The following KCNU1 variants were observed in gnomAD, a reference collection of about 807,000 sequenced individuals.
KCNU1 encodes the protein potassium calcium-activated channel subfamily U member 1.
KCNU1 carries 93 observed loss-of-function variants against 126.8 expected under a neutral mutation model. The observed-to-expected ratio is 0.73, with a 90% CI of 0.62 to 0.87. The LOEUF (loss-of-function observed/expected upper bound fraction) is 0.87, where lower values mean the gene tolerates loss of function less well. Among genes scored for constraint, KCNU1 ranks in the 40% least tolerant of loss-of-function variants. The probability of loss-of-function intolerance (pLI) is 0.00; values close to 1 mark genes in which losing one functional copy is unlikely to be tolerated. For missense variants in KCNU1, 1,330 were observed against 1,367.1 expected (o/e 0.97, Z 0.43); for synonymous variants, 523 against 494.2 (o/e 1.06, Z -0.77).
intron 19 of KCNU1, among the ~76,000 whole-genome samples, chr8:36,897,274 T>G (rs1179331750): frequency 1.3e-5 from 2 of 152,004 alleles, no homozygotes; most frequent in African/African-American, 2.4e-5. Flanking sequence ...CTCCCTCTAT[T>G]GTAGAAAAAT....
intron 2 of KCNU1, among the ~76,000 whole-genome samples, chr8:36,796,787 G>A (rs1563260013): frequency 6.6e-6 from 1 of 152,092 alleles, no homozygotes; most frequent in African/African-American, 2.4e-5. Context: ...TCTCTTGGAA[G>A]TGTCATATAG....
chr8:36,845,936 C>A (rs1476385591), intron 18 of KCNU1, 37 bp downstream of exon 18: 3 of 1,229,374 alleles, frequency 2.4e-6, no homozygotes, highest in South Asian at 2.6e-5. Flanking sequence ...CTTAGCCCAG[C>A]CTCTAGGGAG....
At chr8:36,797,029 G>A (rs1803124968) in intron 2 of KCNU1, among the ~76,000 whole-genome samples, 1 of 152,132 alleles carries the variant, frequency 6.6e-6, no homozygotes, top group Non-Finnish European at 1.5e-5. Flanking sequence ...TAGGAGCTCT[G>A]CTAGGGTCTG....
intron 18 of KCNU1, among the ~76,000 whole-genome samples, chr8:36,846,363 C>T (rs1396964443): frequency 6.6e-6 from 1 of 152,218 alleles, no homozygotes; most frequent in African/African-American, 2.4e-5. Flanking sequence ...TTAAAGTTTA[C>T]TCATCCTGAC....
At position 36,784,405 on chromosome 8, in the gene KCNU1, T is replaced by C; in HGVS notation, c.-6T>C. The C allele has an allele frequency of 6.2e-7, 1 of 1,607,754 alleles. No individual in the cohort carries two copies. Among genetic ancestry groups the C allele is most frequent in the Non-Finnish European group, 8.5e-7 (1 of 1,176,934 alleles). ...CCTGGCAATTCCGTCTACTGATGTC[T>C]CGAACATGTTTCAGACTAAGCTACG... On this transcript the variant is annotated 5_prime_UTR_variant, in exon 1 of 27. Coordinates refer to ENST00000399881, the MANE Select transcript of KCNU1 (RefSeq NM_001031836.3).
chr8:36,853,231 T>A (rs866391173), intron 18 of KCNU1, among the ~76,000 whole-genome samples: 2 of 152,106 alleles, frequency 1.3e-5, no homozygotes, highest in African/African-American at 4.8e-5. Flanking sequence ...ATGCTTGTAG[T>A]CCCGGCTACT....
chr8:36,794,157 G>C (rs1268065744), intron 2 of KCNU1, among the ~76,000 whole-genome samples: 5 of 150,294 alleles, frequency 3.3e-5, no homozygotes. Flanking sequence ...TTCCAAAGAA[G>C]AGGAGCCAAC....
intron 22 of KCNU1, among the ~76,000 whole-genome samples, chr8:36,914,384 C>T (rs1380622434): frequency 2.6e-5 from 4 of 152,284 alleles, no homozygotes; most frequent in African/African-American, 4.8e-5. Context: ...TGCTGCTAAA[C>T]GTCTTTCAAT....
At chr8:36,918,978 G>T (rs1808232612) in intron 23 of KCNU1, 81 bp downstream of exon 23, 1 of 917,466 alleles carries the variant, frequency 1.1e-6, no homozygotes, top group East Asian at 2.4e-5. Context: ...TTTTTAGAAT[G>T]CACAATCACA....
At chr8:36,850,049 T>A (rs1202654189) in intron 18 of KCNU1, among the ~76,000 whole-genome samples, 1 of 152,214 alleles carries the variant, frequency 6.6e-6, no homozygotes, top group East Asian at 1.9e-4. Flanking sequence ...TCATTATGGT[T>A]TTGATCTAAA....
At chr8:36,854,062 A>G (rs1032514935) in intron 18 of KCNU1, among the ~76,000 whole-genome samples, 2 of 152,002 alleles carry the variant, frequency 1.3e-5, no homozygotes, top group Admixed American at 6.6e-5. Flanking sequence ...TCTGGCCTCT[A>G]TTGTTTCAGA....
intron 7 of KCNU1, among the ~76,000 whole-genome samples, chr8:36,809,833 T>C (rs1277362773): frequency 6.6e-6 from 1 of 152,214 alleles, no homozygotes; most frequent in African/African-American, 2.4e-5. Context: ...CTCAAAGGCT[T>C]AATGTGGCCT....
intron 7 of KCNU1, among the ~76,000 whole-genome samples, chr8:36,812,146 A>C (rs943762394): frequency 2.0e-5 from 3 of 151,946 alleles, no homozygotes; most frequent in Admixed American, 6.6e-5. Context: ...TGGGAGGCCA[A>C]GGAGGGGCGG....
chr8:36,851,728 A>C (rs1451825207), intron 18 of KCNU1, among the ~76,000 whole-genome samples: 5 of 152,154 alleles, frequency 3.3e-5, no homozygotes, highest in Admixed American at 3.3e-4. Flanking sequence ...TATTGTAAAT[A>C]AAATTGTTTT....
chr8:36,834,947 A>T (rs769603766), intron 12 of KCNU1, 79 bp downstream of exon 12: 40 of 904,988 alleles, frequency 4.4e-5, no homozygotes, highest in Non-Finnish European at 6.6e-5. Flanking sequence ...CATAAGCATA[A>T]AAAGGAGAAA....
chr8:36,821,654 T>A (rs1163251879), intron 10 of KCNU1, among the ~76,000 whole-genome samples: 1 of 152,178 alleles, frequency 6.6e-6, no homozygotes, highest in East Asian at 1.9e-4. Context: ...GGTAGTTTAA[T>A]GATGGCTAAT....
chr8:36,794,699 A>G (rs976366642), intron 2 of KCNU1, among the ~76,000 whole-genome samples: 1 of 152,016 alleles, frequency 6.6e-6, no homozygotes, highest in African/African-American at 2.4e-5. Context: ...GAGGCAGTAG[A>G]ATCACTTGAG....
At chr8:36,866,563 A>G (rs1805918455) in intron 19 of KCNU1, among the ~76,000 whole-genome samples, 1 of 152,140 alleles carries the variant, frequency 6.6e-6, no homozygotes, top group Admixed American at 6.6e-5. Flanking sequence ...TTGCCTGGCT[A>G]TTTCCAACAA....
chr8:36,884,439 C>T (rs1806612094), intron 19 of KCNU1, among the ~76,000 whole-genome samples: 1 of 152,108 alleles, frequency 6.6e-6, no homozygotes, highest in South Asian at 2.1e-4. Context: ...ATGTGAGCCA[C>T]ATTTGAAAAC....
Sources: allele counts gnomAD v4.1 joint callset (sites outside exome capture counted in the v4.1 genomes callset), GRCh38; gene constraint gnomAD v4.1.1; transcripts MANE v1.5; gene names NCBI Gene and HGNC (gene_info 2026-07-23, HGNC 2026-07-21).